The following RSF1 variants were observed in gnomAD, a reference collection of about 807,000 sequenced individuals.
The protein encoded by RSF1 is remodeling and spacing factor 1.
A neutral mutation model predicts 145.2 loss-of-function variants in RSF1; 13 were observed. The ratio of observed to expected loss-of-function variants is 0.09; its 90% CI spans 0.06 to 0.14. RSF1 has a LOEUF of 0.14. Ranked by LOEUF, RSF1 falls within the 10% of genes least tolerant of loss-of-function variation. The probability of loss-of-function intolerance (pLI) is 1.00; values close to 1 mark genes in which losing one functional copy is unlikely to be tolerated. For synonymous variants in RSF1, 577 were observed against 592.6 expected (o/e 0.97, Z 0.38); for missense variants, 1,517 against 1,718.2 (o/e 0.88, Z 2.07).
chr11:77,758,231 A>T (rs1414328258), intron 2 of RSF1, among the ~76,000 whole-genome samples: 2 of 152,148 alleles, frequency 1.3e-5, no homozygotes, highest in Non-Finnish European at 2.9e-5. Context: ...CTCACAAAAG[A>T]ACTTTCACAT....
intron 1 of RSF1, among the ~76,000 whole-genome samples, chr11:77,794,592 C>T (rs959838551): frequency 6.6e-6 from 1 of 151,782 alleles, no homozygotes; most frequent in South Asian, 2.1e-4. Flanking sequence ...TCCTGAACAA[C>T]CACCGGGTCA....
intron 1 of RSF1, chr11:77,813,611 G>T: frequency 3.2e-6 from 2 of 632,944 alleles, no homozygotes; most frequent in South Asian, 3.2e-5. Flanking sequence ...TCGTTAGAGT[G>T]ATTCAATTTC....
At chr11:77,824,433 G>A (rs1949076425), upstream of RSF1, among the ~76,000 whole-genome samples, 3 of 152,120 alleles carry the variant, frequency 2.0e-5, no homozygotes, top group Admixed American at 6.5e-5. Context: ...CTATTAGGGG[G>A]AAATATTTTG....
chr11:77,855,634 T>C, the RSF1 span, among the ~76,000 whole-genome samples: 2 of 151,984 alleles, frequency 1.3e-5, no homozygotes, highest in Non-Finnish European at 2.9e-5. Flanking sequence ...TGGCCTTTTT[T>C]TTCTTTTATG....
intron 5 of RSF1, among the ~76,000 whole-genome samples, chr11:77,715,120 T>A (rs1417843359): frequency 1.3e-5 from 2 of 152,114 alleles, no homozygotes; most frequent in African/African-American, 4.8e-5. Flanking sequence ...CAAGACCTTA[T>A]CTCTTAAAAA....
chr11:77,792,232 G>A (rs955550663), intron 1 of RSF1, among the ~76,000 whole-genome samples: 9 of 152,028 alleles, frequency 5.9e-5, no homozygotes, highest in Non-Finnish European at 1.3e-4. Context: ...TCATTATCAC[G>A]AGGACAGCAC....
rs147736929 is a variant in RSF1 at position 77,777,042 on chromosome 11, A to G, written c.188-12353T>C. Among the ~76,000 whole-genome samples, 68 of 152,314 alleles carry G rather than the reference A, an allele frequency of 4.5e-4. 1 individual carries two copies. The highest frequency in any genetic ancestry group is 1.5e-3 in the African/African-American group (64 of 41,572). ...AACAAACAAAAGGACAGACTAGTAC[A>G]ATAAAACCTCATGACCTCATCACCT... On this transcript the variant is annotated intron_variant, in intron 1 of 15. Coordinates refer to ENST00000308488, the MANE Select transcript of RSF1 (RefSeq NM_016578.4).
chr11:77,744,693 T>C (rs7927913), intron 3 of RSF1, among the ~76,000 whole-genome samples: 39,191 of 152,208 alleles, frequency 0.26, 5,780 homozygotes, highest in South Asian at 0.49. Context: ...ATCTCATTTA[T>C]GTGCTATTAA....
At chr11:77,857,704 T>G in the RSF1 span, among the ~76,000 whole-genome samples, 1 of 151,720 alleles carries the variant, frequency 6.6e-6, no homozygotes, top group Non-Finnish European at 1.5e-5. Context: ...AAGTTGTTTT[T>G]TTTTTTTTTT....
chr11:77,741,309 G>A (rs753586678), intron 3 of RSF1, among the ~76,000 whole-genome samples: 2 of 152,100 alleles, frequency 1.3e-5, no homozygotes, highest in Admixed American at 6.6e-5. Flanking sequence ...TTGGGAGGCC[G>A]AGGCAGGAGG....
At chr11:77,769,260 G>A (rs1168868408) in intron 1 of RSF1, among the ~76,000 whole-genome samples, 2 of 152,166 alleles carry the variant, frequency 1.3e-5, no homozygotes, top group African/African-American at 4.8e-5. Context: ...GAGCCACCGT[G>A]CCCAGCCATC....
At chr11:77,696,922 C>T (rs949110349) in intron 7 of RSF1, among the ~76,000 whole-genome samples, 1 of 152,142 alleles carries the variant, frequency 6.6e-6, no homozygotes, top group Non-Finnish European at 1.5e-5. Context: ...ACTGATAATA[C>T]ATTTAGCTTC....
At chr11:77,863,865 G>A in the RSF1 span, among the ~76,000 whole-genome samples, 1 of 151,894 alleles carries the variant, frequency 6.6e-6, no homozygotes, top group African/African-American at 2.4e-5. Context: ...TCTTATTACG[G>A]GATTAAAATT....
rs761227510 is a variant in RSF1 at position 77,701,167 on chromosome 11, T to A, written c.2062A>T (p.Thr688Ser). The part of the protein sequence containing the change: ...VEMDNLDNAQ[T>S]SGIEEPSETK... ...TCAGAAGGCTCCTCTATGCCAGAGGTCTGGGCATTGTCCAGATTATCCATT... is the reference window on the plus strand; with the variant it reads ...TCAGAAGGCTCCTCTATGCCAGAGGACTGGGCATTGTCCAGATTATCCATT... The change falls in exon 6 of 16, where the codon ACC (threonine) becomes TCC (serine). Residue 688 changes from threonine to serine, a missense_variant. By Grantham distance (58) the Thr-to-Ser change is moderately conservative. This residue lies in a region of RSF1 where 579 missense variants were observed against 553.5 expected (regional missense o/e 1.05). Coordinates refer to ENST00000308488, the MANE Select transcript of RSF1 (RefSeq NM_016578.4). 2 of 1,614,114 alleles carry A rather than the reference T, an allele frequency of 1.2e-6. No individual in the cohort carries two copies. The highest frequency in any genetic ancestry group is 1.7e-6 in the Non-Finnish European group (2 of 1,180,016).
intron 5 of RSF1, among the ~76,000 whole-genome samples, chr11:77,710,154 TAA>T (rs1960644733): frequency 6.6e-6 from 1 of 151,920 alleles, no homozygotes; most frequent in African/African-American, 2.4e-5. Context: ...CTCACTTTTT[TAA>T]ATTAAAAAAA....
intron 12 of RSF1, 119 bp downstream of exon 12, chr11:77,677,967 A>T: frequency 1.4e-6 from 1 of 709,824 alleles, no homozygotes; most frequent in Non-Finnish European, 2.5e-6. Flanking sequence ...TAACATCAGT[A>T]CTAATCATGA....
At chr11:77,734,452 G>A in intron 4 of RSF1, 3 of 1,560,718 alleles carry the variant, frequency 1.9e-6, no homozygotes, top group Non-Finnish European at 2.6e-6. Flanking sequence ...TCACCCCACG[G>A]CTACGGGGAA....
At chr11:77,735,890 C>G (rs1167668673) in intron 4 of RSF1, among the ~76,000 whole-genome samples, 7 of 152,174 alleles carry the variant, frequency 4.6e-5, no homozygotes. Context: ...CAGGCACACG[C>G]CACAATGCCA....
intron 1 of RSF1, among the ~76,000 whole-genome samples, chr11:77,775,554 G>T (rs1948333880): frequency 6.6e-6 from 1 of 152,184 alleles, no homozygotes. Context: ...TTTAATTAAA[G>T]AAATACTTAC....
Sources: allele counts gnomAD v4.1 joint callset (sites outside exome capture counted in the v4.1 genomes callset), GRCh38; gene constraint gnomAD v4.1.1; regional missense constraint gnomAD v4.1.1; transcripts MANE v1.5; gene names NCBI Gene and HGNC (gene_info 2026-07-23, HGNC 2026-07-21).